Variants in NOX4 observed in about 807,000 individuals in gnomAD.
The protein encoded by NOX4 is kidney oxidase-1.
NOX4 carries 69 observed loss-of-function variants against 87.6 expected under a neutral mutation model. That is an observed-to-expected ratio of 0.79 (90% CI 0.65 to 0.96). NOX4 has a LOEUF of 0.96. Among genes scored for constraint, NOX4 ranks in the 40% least tolerant of loss-of-function variants. The pLI, the probability that NOX4 is intolerant of heterozygous loss-of-function variation, is 0.00. For synonymous variants in NOX4, 275 were observed against 238.2 expected (o/e 1.15, Z -1.42); for missense variants, 680 against 681.5 (o/e 1.00, Z 0.02).
the NOX4 span, among the ~76,000 whole-genome samples, chr11:89,559,388 C>T: frequency 6.6e-6 from 1 of 152,024 alleles, no homozygotes; most frequent in Non-Finnish European, 1.5e-5. Context: ...GAGAATTAAC[C>T]AGTATATCTG....
At chr11:89,536,114 A>G in the NOX4 span, among the ~76,000 whole-genome samples, 2 of 149,308 alleles carry the variant, frequency 1.3e-5, no homozygotes, top group Non-Finnish European at 3.0e-5. Flanking sequence ...GGTTCTCAGC[A>G]ATCTTTCTTG....
At chr11:89,526,568 G>C in the NOX4 span, among the ~76,000 whole-genome samples, 40 of 152,140 alleles carry the variant, frequency 2.6e-4, no homozygotes, top group Admixed American at 2.6e-3. Context: ...GAGAGCAGCT[G>C]GAGGTAATTG....
chr11:89,391,582 C>T (rs1941125542), intron 11 of NOX4, among the ~76,000 whole-genome samples: 1 of 151,350 alleles, frequency 6.6e-6, no homozygotes, highest in African/African-American at 2.4e-5. Context: ...ATAGCGAGGC[C>T]CTATCTCTAC....
chr11:89,338,379 T>A (rs1470972664), intron 15 of NOX4, among the ~76,000 whole-genome samples: 1 of 152,128 alleles, frequency 6.6e-6, no homozygotes, highest in Non-Finnish European at 1.5e-5. Context: ...CATAATTTGT[T>A]CATTCAACTA....
At chr11:89,454,248 G>C (rs1200044967) in intron 2 of NOX4, among the ~76,000 whole-genome samples, 1 of 152,020 alleles carries the variant, frequency 6.6e-6, no homozygotes, top group Non-Finnish European at 1.5e-5. Flanking sequence ...TTTCTAAAAT[G>C]TTTTAATATT....
chr11:89,536,761 A>G, the NOX4 span, among the ~76,000 whole-genome samples: 2 of 152,138 alleles, frequency 1.3e-5, no homozygotes, highest in African/African-American at 4.8e-5. Context: ...GCTAGATACT[A>G]TGTCTGGCGT....
intron 8 of NOX4, among the ~76,000 whole-genome samples, chr11:89,418,435 A>AATAATAATC (rs1337916311): frequency 1.8e-5 from 2 of 112,258 alleles, no homozygotes; most frequent in African/African-American, 7.3e-5. Context: ...TAATAATAAT[A>AATAATAATC]ATAATAATAA....
At chr11:89,486,205 A>C (rs1002933842) in intron 2 of NOX4, among the ~76,000 whole-genome samples, 13 of 141,040 alleles carry the variant, frequency 9.2e-5, no homozygotes, top group African/African-American at 3.2e-4. Flanking sequence ...CACCTTCAGA[A>C]AACTCAGAAG....
chr11:89,355,165 A>C, intron 12 of NOX4, 122 bp from the exon 13 acceptor site: 1 of 671,394 alleles, frequency 1.5e-6, no homozygotes, highest in East Asian at 3.0e-5. Flanking sequence ...TCCATCCTTT[A>C]TTAGAAATTT....
At chr11:89,365,121 T>C (rs1938854620) in intron 12 of NOX4, among the ~76,000 whole-genome samples, 1 of 152,124 alleles carries the variant, frequency 6.6e-6, no homozygotes, top group African/African-American at 2.4e-5. Context: ...ATATGCCATC[T>C]GCATGCCTCA....
At chr11:89,365,275 T>C (rs1421339176) in intron 12 of NOX4, among the ~76,000 whole-genome samples, 1 of 152,172 alleles carries the variant, frequency 6.6e-6, no homozygotes, top group Admixed American at 6.6e-5. Context: ...ATTTTGCTTC[T>C]TATTTGTTTA....
the NOX4 span, among the ~76,000 whole-genome samples, chr11:89,517,714 C>T: frequency 2.6e-5 from 4 of 151,808 alleles, no homozygotes; most frequent in Non-Finnish European, 5.9e-5. Context: ...AACTCATGGC[C>T]TCAAGCAATC....
intron 6 of NOX4, among the ~76,000 whole-genome samples, chr11:89,434,274 A>G (rs1013406585): frequency 2.0e-5 from 3 of 152,058 alleles, no homozygotes; most frequent in African/African-American, 4.8e-5. Context: ...ATAAAGCACC[A>G]CATGAAAAAT....
At chr11:89,536,679 T>C in the NOX4 span, among the ~76,000 whole-genome samples, 2 of 152,220 alleles carry the variant, frequency 1.3e-5, no homozygotes, top group African/African-American at 4.8e-5. Flanking sequence ...CTTCTTTTGC[T>C]GTGGCTACTC....
intron 2 of NOX4, among the ~76,000 whole-genome samples, chr11:89,490,189 C>T (rs1946794951): frequency 2.0e-5 from 3 of 152,148 alleles, no homozygotes; most frequent in East Asian, 3.8e-4. Context: ...CAATAAGTAG[C>T]AATTTTTTTA....
rs200680919 is a variant in NOX4 at position 89,444,216 on chromosome 11, G to C, written c.366C>G (p.Ala122=). Residue 122 remains alanine (A), a synonymous_variant, in exon 5 of 18, where the codon GCC becomes GCG. Coordinates refer to ENST00000263317, the MANE Select transcript of NOX4 (RefSeq NM_016931.5). ...ICIFSGVHVA[A]HLVNALNFSV... ...AGAAGTTGAGGGCATTCACCAGATG[G>C]GCAGCCACATGCACGCCTACAGAAT... 1.1e-4 allele frequency: 180 copies of C among 1,613,296 alleles called. 1 individual carries two copies. The East Asian group carries it at 3.7e-3, about 33-fold the overall frequency.
intron 11 of NOX4, among the ~76,000 whole-genome samples, chr11:89,386,627 C>T (rs542278761): frequency 6.6e-6 from 1 of 152,098 alleles, no homozygotes; most frequent in Non-Finnish European, 1.5e-5. Context: ...GCTGGCTTTG[C>T]ATTTCTCTTT....
chr11:89,452,960 C>A (rs1945034600), intron 2 of NOX4, among the ~76,000 whole-genome samples: 1 of 152,078 alleles, frequency 6.6e-6, no homozygotes, highest in African/African-American at 2.4e-5. Context: ...AGGAGAATTG[C>A]TTGAACCCAG....
intron 2 of NOX4, among the ~76,000 whole-genome samples, chr11:89,477,228 G>A (rs573642182): frequency 1.3e-5 from 2 of 152,190 alleles, no homozygotes; most frequent in East Asian, 1.9e-4. Context: ...TCCTATCTGG[G>A]GGGTGACAGG....
Sources: allele counts gnomAD v4.1 joint callset (sites outside exome capture counted in the v4.1 genomes callset), GRCh38; gene constraint gnomAD v4.1.1; transcripts MANE v1.5; gene names NCBI Gene and HGNC (gene_info 2026-07-23, HGNC 2026-07-21).